DICER1: variants seen among roughly 807,000 people sequenced by gnomAD.
DICER1 encodes dicer 1, ribonuclease III, also known as endoribonuclease Dicer.
A neutral mutation model predicts 194.1 loss-of-function variants in DICER1; 43 were observed. The observed-to-expected ratio is 0.22, with a 90% CI of 0.17 to 0.29. The LOEUF is 0.29. DICER1 is among the 10% of genes least tolerant of loss of function. DICER1 has a pLI of 1.00. For missense variants in DICER1, 1,608 were observed against 2,317.0 expected, an observed-to-expected ratio of 0.69 and a Z score of 6.28; for synonymous variants, 832 against 820.5, an observed-to-expected ratio of 1.01 and a Z score of -0.24.
chr14:95,107,132 C>T (rs76487646), intron 17 of DICER1, among the ~76,000 whole-genome samples: 2 of 152,326 alleles, frequency 1.3e-5, no homozygotes, highest in East Asian at 3.9e-4. Flanking sequence ...ATCTTCCCAC[C>T]TCAGCCCTGA....
intron 1 of DICER1, among the ~76,000 whole-genome samples, chr14:95,147,228 G>T (rs111597160): frequency 0.034 from 5,220 of 152,256 alleles, 323 homozygotes; most frequent in African/African-American, 0.12. Context: ...AATTTGGGAG[G>T]CCAAGGTGGG....
At chr14:95,142,446 T>C (rs997934471) in intron 1 of DICER1, among the ~76,000 whole-genome samples, 27 of 152,220 alleles carry the variant, frequency 1.8e-4, no homozygotes, top group African/African-American at 6.0e-4. Flanking sequence ...CATGTCCTGC[T>C]GTGTCACCCT....
chr14:95,122,917 C>T (rs141893170), intron 8 of DICER1, among the ~76,000 whole-genome samples: 5 of 151,504 alleles, frequency 3.3e-5, no homozygotes, highest in East Asian at 2.0e-4. Context: ...CAGTTAAGCG[C>T]GTGTGCGCGT....
chr14:95,117,904 A>G, intron 8 of DICER1, 150 bp from the exon 9 acceptor site: 1 of 696,594 alleles, frequency 1.4e-6, no homozygotes, highest in Non-Finnish European at 2.5e-6. Context: ...ACTTGCTTAA[A>G]CAGAAATCAC....
At chr14:95,104,585 C>T (rs1363234287) in intron 20 of DICER1, among the ~76,000 whole-genome samples, 1 of 152,228 alleles carries the variant, frequency 6.6e-6, no homozygotes, top group Non-Finnish European at 1.5e-5. Flanking sequence ...TAGTGTTTGG[C>T]ACTATAGCAA....
intron 17 of DICER1, 64 bp from the exon 18 acceptor site, chr14:95,106,287 A>G: frequency 1.6e-6 from 2 of 1,250,526 alleles, no homozygotes; most frequent in Non-Finnish European, 2.3e-6. Context: ...TTCTCAAAAT[A>G]CAACTGTTTG....
intron 1 of DICER1, among the ~76,000 whole-genome samples, chr14:95,136,086 T>TGCACAC (rs764790185): frequency 6.8e-6 from 1 of 146,550 alleles, no homozygotes; most frequent in Non-Finnish European, 1.5e-5. Flanking sequence ...TACATGTAGA[T>TGCACAC]ACACACACAC....
Position 95,105,610 on chromosome 14 carries a change from A to C in DICER1, c.3093+68T>G. ...ATTTAACTTGGTAAGATAAAATTCAAACTTATCTTTAATAATCTTTAATAC... is the reference window on the plus strand; with the variant it reads ...ATTTAACTTGGTAAGATAAAATTCACACTTATCTTTAATAATCTTTAATAC... On this transcript the variant is annotated intron_variant, in intron 19 of 26. Transcript: ENST00000343455. This position sits in a 1 kb window ranked among gnomAD's most constrained non-coding sequence, Gnocchi z 4.9. The C allele has an allele frequency of 8.3e-7, 1 of 1,209,358 alleles. No homozygotes were observed. The highest frequency in any genetic ancestry group is 1.3e-5 in the South Asian group (1 of 79,276). 74.9% of individuals were successfully genotyped at this position (1,209,358 alleles called of 1,614,324 possible). A position where few individuals can be genotyped will look rare whatever the true frequency, so the allele number is the denominator to read the frequency against.
chr14:95,097,775 CACT>C (rs1414711622), intron 22 of DICER1, among the ~76,000 whole-genome samples: 4 of 152,126 alleles, frequency 2.6e-5, no homozygotes, highest in Non-Finnish European at 5.9e-5. Flanking sequence ...AAGATATAAA[CACT>C]ACATTTGTCT....
intron 1 of DICER1, among the ~76,000 whole-genome samples, chr14:95,138,994 TAAAA>T (rs67050539): frequency 2.9e-5 from 4 of 135,962 alleles, no homozygotes; most frequent in African/African-American, 7.9e-5. Flanking sequence ...AATAAAAAAA[TAAAA>T]AAAAAAAAAA....
At chr14:95,090,878 A>T (rs1328317039) in intron 26 of DICER1, 156 bp downstream of exon 26, 5 of 972,578 alleles carry the variant, frequency 5.1e-6, no homozygotes, top group Non-Finnish European at 7.9e-6. Context: ...AAACAGAAGG[A>T]AAAAAGAGAA....
At position 95,088,844 on chromosome 14, in the gene DICER1, C is replaced by T. The variant is rs1403283850; in HGVS notation, c.*1654G>A. The T allele has an allele frequency of 4.3e-6, 1 of 233,414 alleles. No individual in the cohort carries two copies. Among genetic ancestry groups the T allele is most frequent in the East Asian group, 6.1e-5 (1 of 16,520 alleles). 14.5% of individuals were successfully genotyped at this position (233,414 alleles called of 1,614,324 possible). ...CAGGAAGGACAGTATTCAAATGTCA[C>T]TTACATATAAATGCAGCATTCCACG... On this transcript the variant is annotated 3_prime_UTR_variant, in exon 27 of 27. Coordinates refer to ENST00000343455, the MANE Select transcript of DICER1 (RefSeq NM_177438.3).
intron 24 of DICER1, 51 bp from the exon 25 acceptor site, chr14:95,091,416 C>G: frequency 6.5e-7 from 1 of 1,536,420 alleles, no homozygotes; most frequent in Non-Finnish European, 9.0e-7. Flanking sequence ...CTTTTACAGG[C>G]AGTCCACAGA....
chr14:95,131,688 T>TAG, intron 3 of DICER1, 49 bp from the exon 4 acceptor site: 2 of 1,559,740 alleles, frequency 1.3e-6, no homozygotes, highest in Non-Finnish European at 1.8e-6. Flanking sequence ...TCTTGCCTAG[T>TAG]TGGCTCTCTG....
rs1197726925 is a variant in DICER1 at position 95,088,890 on chromosome 14, T to G, written c.*1608A>C. 1 of 233,494 alleles carries G rather than the reference T, an allele frequency of 4.3e-6. No homozygotes were observed. Among genetic ancestry groups the G allele is most frequent in the African/African-American group, 2.2e-5 (1 of 45,336 alleles). The allele number at this position is 233,494 out of a possible 1,614,324, so 14.5% of individuals were successfully genotyped here. A position where few individuals can be genotyped will look rare whatever the true frequency, so the allele number is the denominator to read the frequency against. On this transcript the variant is annotated 3_prime_UTR_variant, in exon 27 of 27. Coordinates refer to ENST00000343455, the MANE Select transcript of DICER1 (RefSeq NM_177438.3). ...CCACGAAGCATCAAGTTCAGAATCA[T>G]GTGCTGGGAAATATGAGACACCTCT...
chr14:95,123,986 G>C (rs1161608881), intron 8 of DICER1, among the ~76,000 whole-genome samples: 1 of 152,026 alleles, frequency 6.6e-6, no homozygotes, highest in Admixed American at 6.6e-5. Context: ...CATCCTTTAA[G>C]AAAAAAATAT....
At position 95,087,915 on chromosome 14, in the gene DICER1, TAG is replaced by T. The variant is rs923305283; in HGVS notation, c.*2581_*2582del. On this transcript the variant is annotated 3_prime_UTR_variant, in exon 27 of 27. Coordinates refer to ENST00000343455, the MANE Select transcript of DICER1 (RefSeq NM_177438.3). The stretch of plus-strand genomic sequence containing the variant: ...CACAGGGCTCTAAAGTGGGGCAACA[TAG>T]AGTGATTTTTTTTTTCCTTAATTGA... 7.7e-5 allele frequency: 18 copies of T among 232,938 alleles called. No homozygotes were observed. In the Admixed American group the frequency reaches 8.4e-4, roughly 11 times the overall value. The allele number at this position is 232,938 out of a possible 1,614,324, so 14.4% of individuals were successfully genotyped here. A position where few individuals can be genotyped will look rare whatever the true frequency, so the allele number is the denominator to read the frequency against.
chr14:95,125,853 A>AAAGGAAAGAGGAAAGGAAAGGG (rs1893409685), intron 7 of DICER1, among the ~76,000 whole-genome samples: 2 of 151,752 alleles, frequency 1.3e-5, no homozygotes, highest in African/African-American at 4.8e-5. Context: ...AAAAGAAAGA[A>AAAGGAAAGAGGAAAGGAAAGGG]AAGGAAAGAG....
Position 95,090,387 on chromosome 14 carries a change from C to T in DICER1, c.*111G>A, listed in dbSNP as rs770494720. On this transcript the variant is annotated 3_prime_UTR_variant, in exon 27 of 27. Transcript: ENST00000343455. ...GTTATCAACCAAACTTTAAATTCTG[C>T]CTTCAATTCATTCCACTCACTAACA... The T allele has an allele frequency of 2.3e-5, 28 of 1,198,128 alleles. No homozygotes were observed. Among genetic ancestry groups the T allele is most frequent in the Non-Finnish European group, 3.4e-5 (28 of 816,398 alleles). 74.2% of individuals were successfully genotyped at this position (1,198,128 alleles called of 1,614,324 possible). A position where few individuals can be genotyped will look rare whatever the true frequency, so the allele number is the denominator to read the frequency against.
Sources: gnomAD v4.1 joint callset for allele counts (sites outside exome capture counted in the v4.1 genomes callset) on GRCh38, gnomAD v4.1.1 for gene constraint, Gnocchi (gnomAD v3.1) non-coding constraint, MANE v1.5 for transcripts, NCBI Gene and HGNC (gene_info 2026-07-23, HGNC 2026-07-21) for gene names.